The following WARS1 variants were observed in gnomAD, a reference collection of about 807,000 sequenced individuals.
WARS1 encodes tryptophanyl-tRNA synthetase 1.
WARS1 carries 17 observed loss-of-function variants against 47.8 expected under a neutral mutation model. The observed-to-expected ratio is 0.36, with a 90% CI of 0.24 to 0.53. WARS1 has a LOEUF of 0.53. Ranked by LOEUF, WARS1 falls within the 20% of genes least tolerant of loss-of-function variation. The pLI is 0.91. For synonymous variants in WARS1, 208 were observed against 228.1 expected, an observed-to-expected ratio of 0.91 and a Z score of 0.79; for missense variants, 434 against 608.0, an observed-to-expected ratio of 0.71 and a Z score of 3.01.
chr14:100,363,839 C>A (rs555858033), intron 2 of WARS1, among the ~76,000 whole-genome samples: 5 of 152,248 alleles, frequency 3.3e-5, no homozygotes, highest in African/African-American at 1.2e-4. Context: ...ATTATCCAGG[C>A]TGGTCCCAAA....
chr14:100,366,216 C>G, intron 2 of WARS1: 1 of 418,218 alleles, frequency 2.4e-6, no homozygotes. Flanking sequence ...CCCACTCAGC[C>G]GTAGAACTCT....
intron 9 of WARS1, among the ~76,000 whole-genome samples, chr14:100,337,950 C>T (rs1270443253): frequency 6.6e-6 from 1 of 152,062 alleles, no homozygotes. Context: ...AGGGCAGCCT[C>T]TCTTAGGGAT....
intron 9 of WARS1, chr14:100,340,266 G>A (rs1347842349): frequency 6.6e-6 from 1 of 152,516 alleles, no homozygotes; most frequent in Non-Finnish European, 1.5e-5. Flanking sequence ...ACAGATGGAG[G>A]GCTGACTTGG....
At chr14:100,370,917 C>A (rs370029181) in intron 1 of WARS1, among the ~76,000 whole-genome samples, 1 of 151,750 alleles carries the variant, frequency 6.6e-6, no homozygotes, top group Non-Finnish European at 1.5e-5. Flanking sequence ...TACTCCAGCC[C>A]GGGTGACAGA....
At chr14:100,354,352 G>T in intron 5 of WARS1, 95 bp downstream of exon 5, 1 of 1,511,912 alleles carries the variant, frequency 6.6e-7, no homozygotes, top group Non-Finnish European at 8.9e-7. Flanking sequence ...CTCAGCAAAT[G>T]AACTAGCATG....
At position 100,359,918 on chromosome 14, in the gene WARS1, T is replaced by C. The variant is rs552614832; in HGVS notation, c.422+636A>G. On this transcript the variant is annotated intron_variant, in intron 4 of 10. Transcript: ENST00000392882. The stretch of plus-strand genomic sequence containing the variant: ...GGGCTCTGTCCTGGGGTTGTTCTCC[T>C]GTAAGCGTGAAGTGCCAGTAGAACA... Among the ~76,000 whole-genome samples, 27 of 152,322 alleles carry C rather than the reference T, an allele frequency of 1.8e-4. No homozygotes were observed. In the South Asian group the frequency reaches 4.6e-3, roughly 26 times the overall value.
At chr14:100,335,063 G>A (rs375615815) in intron 10 of WARS1, 27 bp from the exon 11 acceptor site, 16 of 1,608,730 alleles carry the variant, frequency 9.9e-6, no homozygotes, top group Non-Finnish European at 1.2e-5. Context: ...AGCCACGTGA[G>A]AGATGGCTCC....
At chr14:100,342,155 A>AT (rs1894203986) in intron 9 of WARS1, 14 of 349,682 alleles carry the variant, frequency 4.0e-5, no homozygotes, top group South Asian at 3.1e-4. Flanking sequence ...AAGGAAAAAA[A>AT]GAAAAAAAAT....
At chr14:100,342,698 C>T (rs1384241900) in intron 8 of WARS1, 127 bp from the exon 9 acceptor site, 3 of 737,484 alleles carry the variant, frequency 4.1e-6, no homozygotes, top group African/African-American at 3.4e-5. Flanking sequence ...TCACTCCCTC[C>T]TCCCCTTCAT....
intron 2 of WARS1, 73 bp from the exon 3 acceptor site, chr14:100,361,994 G>A (rs1298969777): frequency 2.0e-6 from 3 of 1,491,344 alleles, no homozygotes; most frequent in African/African-American, 2.7e-5. Context: ...CTATTCTGTG[G>A]CAGGCACTGT....
rs531022944 is a variant in WARS1, at chr14:100,337,188, C to T, written c.1128G>A (p.Ala376=). The stretch of plus-strand genomic sequence containing the variant: ...CGATGGTGTCTCTCCCTCCAGAAAA[C>T]GCATGCTTATTGACCTGCACCAGAA... ...KQIKTKVNKH[A]FSGGRDTIEE... is the part of the protein sequence containing the mutation. The change falls in exon 10 of 11, where the codon GCG becomes GCA. Residue 376 remains alanine (A), a synonymous_variant. Coordinates refer to ENST00000392882, the MANE Select transcript of WARS1 (RefSeq NM_004184.4). 28 of 1,614,134 alleles carry T rather than the reference C, an allele frequency of 1.7e-5. No individual in the cohort carries two copies. Among genetic ancestry groups the T allele is most frequent in the Middle Eastern group, 1.6e-4 (1 of 6,062 alleles).
At chr14:100,343,151 A>T in intron 8 of WARS1, 124 bp downstream of exon 8, 1 of 699,254 alleles carries the variant, frequency 1.4e-6, no homozygotes, top group Non-Finnish European at 2.2e-6. Context: ...TGCTGGTATT[A>T]CAGGCGTGAG....
chr14:100,371,512 G>A (rs1296126129), intron 1 of WARS1, among the ~76,000 whole-genome samples: 1 of 148,892 alleles, frequency 6.7e-6, no homozygotes, highest in Non-Finnish European at 1.5e-5. Flanking sequence ...CAGCACTTTG[G>A]GAGGCCAAGG....
intron 2 of WARS1, among the ~76,000 whole-genome samples, chr14:100,365,124 TACACACACACACACACAC>T (rs59205319): frequency 2.9e-5 from 4 of 137,768 alleles, no homozygotes; most frequent in Non-Finnish European, 4.6e-5. Context: ...TCTCAAAAAA[TACACACACACACACACAC>T]ACACACACAC....
chr14:100,351,649 G>A (rs982196701), intron 6 of WARS1, among the ~76,000 whole-genome samples: 10 of 152,102 alleles, frequency 6.6e-5, no homozygotes, highest in Admixed American at 6.5e-4. Context: ...CTTCAAGGAT[G>A]CCACAGGGCC....
intron 5 of WARS1, 25 bp from the exon 6 acceptor site, chr14:100,353,894 C>T (rs770510175): frequency 8.1e-6 from 13 of 1,606,260 alleles, no homozygotes; most frequent in Non-Finnish European, 1.1e-5. Context: ...GGGGAGAAAG[C>T]TGACGTCTCA....
intron 7 of WARS1, among the ~76,000 whole-genome samples, chr14:100,343,741 GA>G (rs1187439494): frequency 6.6e-6 from 1 of 151,970 alleles, no homozygotes; most frequent in African/African-American, 2.4e-5. Flanking sequence ...GGGTTCAAGT[GA>G]TTCTCCTGCC....
intron 2 of WARS1, chr14:100,368,477 A>C (rs1187148891): frequency 8.8e-6 from 4 of 456,070 alleles, no homozygotes; most frequent in Non-Finnish European, 1.8e-5. Flanking sequence ...TTGAAAATCA[A>C]CAAGGAACAA....
chr14:100,356,392 T>C (rs1489570848), intron 4 of WARS1, among the ~76,000 whole-genome samples: 34 of 71,238 alleles, frequency 4.8e-4, no homozygotes, highest in African/African-American at 1.2e-3. Flanking sequence ...GGTGTGTGTG[T>C]GTGTGTGGGG....
Sources: allele counts gnomAD v4.1 joint callset (sites outside exome capture counted in the v4.1 genomes callset), GRCh38; gene constraint gnomAD v4.1.1; transcripts MANE v1.5; gene names NCBI Gene and HGNC (gene_info 2026-07-23, HGNC 2026-07-21).